The following KCNU1 variants were observed in gnomAD, a reference collection of about 807,000 sequenced individuals.
The protein encoded by KCNU1 is potassium calcium-activated channel subfamily U member 1.
A neutral mutation model predicts 126.8 loss-of-function variants in KCNU1; 93 were observed. The ratio of observed to expected loss-of-function variants is 0.73; its 90% CI spans 0.62 to 0.87. The LOEUF (loss-of-function observed/expected upper bound fraction) is 0.87. KCNU1 is among the 40% of genes least tolerant of loss of function. The pLI is 0.00. For synonymous variants in KCNU1, 523 were observed against 494.2 expected (o/e 1.06, Z -0.77); for missense variants, 1,330 against 1,367.1 (o/e 0.97, Z 0.43).
intron 22 of KCNU1, among the ~76,000 whole-genome samples, chr8:36,914,625 G>T (rs924760388): frequency 6.6e-6 from 1 of 152,122 alleles, no homozygotes; most frequent in Admixed American, 6.5e-5. Flanking sequence ...GCAGAGTGAG[G>T]AATCTCTGAA....
At chr8:36,838,274 A>G (rs183594908) in intron 14 of KCNU1, among the ~76,000 whole-genome samples, 10 of 152,326 alleles carry the variant, frequency 6.6e-5, no homozygotes, top group African/African-American at 2.4e-4. Flanking sequence ...TGTGATTTCA[A>G]TCTCCATGGC....
intron 3 of KCNU1, among the ~76,000 whole-genome samples, chr8:36,804,340 C>T (rs894951695): frequency 1.3e-5 from 2 of 152,146 alleles, no homozygotes; most frequent in East Asian, 1.9e-4. Flanking sequence ...AACCCCCACC[C>T]GAGATTTACT....
chr8:36,911,997 T>C (rs1014665899), intron 22 of KCNU1, among the ~76,000 whole-genome samples: 3 of 152,232 alleles, frequency 2.0e-5, no homozygotes, highest in Non-Finnish European at 4.4e-5. Context: ...GAATTTTCTG[T>C]ATCTAAAACA....
rs1403605662 is a variant in KCNU1 at position 36,935,788 on chromosome 8, A to G, written c.3318A>G (p.Ala1106=). 1 of 1,613,476 alleles carries G rather than the reference A, an allele frequency of 6.2e-7. No homozygotes were observed. Among genetic ancestry groups the G allele is most frequent in the Non-Finnish European group, 8.5e-7 (1 of 1,179,538 alleles). Residue 1106 remains alanine (A), a synonymous_variant, in exon 27 of 27, where the codon GCA becomes GCG. Transcript: ENST00000399881. The part of the protein sequence containing the change: ...TNSLSFPKQI[A]WNQSRTNSII... ...CCCTCTCTTTTCCTAAGCAAATAGC[A>G]TGGAATCAGAGTAGAACAAACAGTA... is the stretch of plus-strand genomic sequence containing the variant.
chr8:36,830,223 A>T (rs1657181366), intron 10 of KCNU1, among the ~76,000 whole-genome samples: 2 of 151,472 alleles, frequency 1.3e-5, no homozygotes, highest in African/African-American at 4.8e-5. Context: ...CTGAAATAGT[A>T]TAATTATTGC....
intron 18 of KCNU1, among the ~76,000 whole-genome samples, chr8:36,854,567 TA>T (rs1320480215): frequency 2.0e-5 from 3 of 151,832 alleles, no homozygotes; most frequent in Non-Finnish European, 2.9e-5. Context: ...GATTTCTACT[TA>T]AAAAAATTTG....
intron 2 of KCNU1, among the ~76,000 whole-genome samples, chr8:36,796,286 G>A (rs887535823): frequency 2.6e-5 from 4 of 151,934 alleles, no homozygotes; most frequent in Admixed American, 6.6e-5. Context: ...TCTACTTCAC[G>A]GAATTTATGG....
intron 19 of KCNU1, among the ~76,000 whole-genome samples, chr8:36,903,909 C>T (rs1211467861): frequency 6.6e-6 from 1 of 152,130 alleles, no homozygotes; most frequent in East Asian, 1.9e-4. Context: ...TGAGAACTCA[C>T]TCACTATCAC....
chr8:36,803,866 C>T (rs750472736), intron 2 of KCNU1, among the ~76,000 whole-genome samples, 161 bp from the exon 3 acceptor site: 18 of 151,940 alleles, frequency 1.2e-4, no homozygotes, highest in South Asian at 4.2e-4. Context: ...GACCTTGAAT[C>T]GATAAACAGA....
At chr8:36,863,021 T>C (rs1332091355) in intron 18 of KCNU1, among the ~76,000 whole-genome samples, 1 of 152,170 alleles carries the variant, frequency 6.6e-6, no homozygotes, top group Non-Finnish European at 1.5e-5. Flanking sequence ...TGAAGGCTTC[T>C]GAGGATTACA....
At chr8:36,804,118 G>T in intron 3 of KCNU1, 30 bp downstream of exon 3, 2 of 1,434,086 alleles carry the variant, frequency 1.4e-6, no homozygotes. Flanking sequence ...ACACTTGTCT[G>T]CTATATCAGT....
In KCNU1 at chr8:36,817,762, T is replaced by G; in HGVS notation, c.1106+2T>G. 2.7e-6 allele frequency: 4 copies of G among 1,472,796 alleles called. No individual in the cohort carries two copies. The highest frequency in any genetic ancestry group is 3.8e-6 in the Non-Finnish European group (4 of 1,051,082). 91.2% of individuals were successfully genotyped at this position (1,472,796 alleles called of 1,614,324 possible). A position where few individuals can be genotyped will look rare whatever the true frequency, so the allele number is the denominator to read the frequency against. ...CACTGAAATTGTTTTCCTGGGAGAGTAAGTATATCTGTATGGCTCATGGGT... is the reference window on the plus strand; with the variant it reads ...CACTGAAATTGTTTTCCTGGGAGAGGAAGTATATCTGTATGGCTCATGGGT... On this transcript the variant is annotated splice_donor_variant, in intron 10 of 26. Transcript: ENST00000399881. LOFTEE classifies it high-confidence loss of function.
At chr8:36,928,863 T>G in intron 24 of KCNU1, 1 of 589,986 alleles carries the variant, frequency 1.7e-6, no homozygotes, top group Non-Finnish European at 3.0e-6. Context: ...CAGAGTGCCC[T>G]TTAAATTCTG....
intron 19 of KCNU1, among the ~76,000 whole-genome samples, chr8:36,891,731 T>C (rs112468017): frequency 6.6e-6 from 1 of 152,262 alleles, no homozygotes; most frequent in African/African-American, 2.4e-5. Flanking sequence ...TTGTTGGATA[T>C]AGAATTCTTA....
At chr8:36,852,070 G>T (rs916087673) in intron 18 of KCNU1, among the ~76,000 whole-genome samples, 1 of 151,920 alleles carries the variant, frequency 6.6e-6, no homozygotes, top group Non-Finnish European at 1.5e-5. Flanking sequence ...ATATTGTCAA[G>T]GTTTTTTCTC....
At chr8:36,871,348 C>T (rs1563307108) in intron 19 of KCNU1, among the ~76,000 whole-genome samples, 2 of 151,686 alleles carry the variant, frequency 1.3e-5, no homozygotes, top group Admixed American at 6.6e-5. Flanking sequence ...AGGTGAAAAT[C>T]CCATTTTTGG....
chr8:36,859,782 G>A (rs961217623), intron 18 of KCNU1, among the ~76,000 whole-genome samples: 2 of 152,184 alleles, frequency 1.3e-5, no homozygotes, highest in Non-Finnish European at 2.9e-5. Context: ...GCAAATTATT[G>A]AAATTTTCAA....
At chr8:36,895,073 A>G (rs150137237) in intron 19 of KCNU1, among the ~76,000 whole-genome samples, 1 of 151,964 alleles carries the variant, frequency 6.6e-6, no homozygotes, top group East Asian at 1.9e-4. Context: ...ACTTAACAAT[A>G]GTAAAGTTTT....
chr8:36,819,093 AT>A (rs1230114236), intron 10 of KCNU1, among the ~76,000 whole-genome samples: 5 of 151,994 alleles, frequency 3.3e-5, no homozygotes, highest in Admixed American at 6.6e-5. Flanking sequence ...TAATGAACAA[AT>A]TTTTTTTAAT....
Sources: allele counts gnomAD v4.1 joint callset (sites outside exome capture counted in the v4.1 genomes callset), GRCh38; gene constraint gnomAD v4.1.1; transcripts MANE v1.5; gene names NCBI Gene and HGNC (gene_info 2026-07-23, HGNC 2026-07-21).